The following AKR7A2 variants were observed in gnomAD, a reference collection of about 807,000 sequenced individuals.
AKR7A2 encodes aflatoxin B1 aldehyde reductase member 2.
AKR7A2 carries 29 observed loss-of-function variants against 37.3 expected under a neutral mutation model. That is an observed-to-expected ratio of 0.78 (90% CI 0.58 to 1.06). The LOEUF (loss-of-function observed/expected upper bound fraction) is 1.06. Ranked by LOEUF, AKR7A2 falls within the 50% of genes least tolerant of loss-of-function variation. The pLI is 0.00. For missense variants in AKR7A2, 529 were observed against 497.9 expected (o/e 1.06, Z -0.59); for synonymous variants, 228 against 217.8 (o/e 1.05, Z -0.41).
At position 19,311,829 on chromosome 1, in the gene AKR7A2, C is replaced by G; in HGVS notation, c.296G>C (p.Arg99Thr). The G allele has an allele frequency of 1.2e-6, 2 of 1,610,380 alleles. No homozygotes were observed. Among genetic ancestry groups the G allele is most frequent in the East Asian group, 2.2e-5 (1 of 44,860 alleles). Reference protein sequence around the residue: ...LGLGLGGGDCRVKIATKANPW... With the variant: ...LGLGLGGGDCTVKIATKANPW... ...GGAGGATCTGCAGCTACTGTTACCT[C>G]TGCAGTCGCCACCGCCCAGCCCGAG... is the stretch of plus-strand genomic sequence containing the variant. Residue 99 changes from arginine (R) to threonine (T), a missense_variant and splice_region_variant, in exon 1 of 7, where the codon AGA becomes ACA. Coordinates refer to ENST00000235835, the MANE Select transcript of AKR7A2 (RefSeq NM_003689.4).
Position 19,311,932 on chromosome 1 carries a change from C to A in AKR7A2, c.193G>T (p.Glu65Ter). 3 of 1,606,504 alleles carry A rather than the reference C, an allele frequency of 1.9e-6. No homozygotes were observed. Among genetic ancestry groups the A allele is most frequent in the Non-Finnish European group, 2.5e-6 (3 of 1,177,568 alleles). The change falls in exon 1 of 7, where the codon GAG (glutamate) becomes TAG (stop). Residue 65 changes from glutamate to a stop codon, truncating the protein, a stop_gained. Coordinates refer to ENST00000235835, the MANE Select transcript of AKR7A2 (RefSeq NM_003689.4). LOFTEE classifies it high-confidence loss of function. ...ASAAAVRAFL[E>*]RGHTELDTAF... ...GTGTCCAGTTCGGTGTGGCCGCGCT[C>A]CAGAAAGGCGCGCACGGCCGCGGCG...
Position 19,308,452 on chromosome 1 carries a change from C to T in AKR7A2, c.486+3G>A. 1 of 1,613,546 alleles carries T rather than the reference C, an allele frequency of 6.2e-7. No homozygotes were observed. The highest frequency in any genetic ancestry group is 8.5e-7 in the Non-Finnish European group (1 of 1,179,966). On this transcript the variant is annotated splice_donor_region_variant and intron_variant, in intron 2 of 6. Coordinates refer to ENST00000235835, the MANE Select transcript of AKR7A2 (RefSeq NM_003689.4). ...ACCTTTGGAGCTCGGAGGGCCCCCTCACCTCCTGGTGCAGCCGCTGGCAGG... is the reference window on the plus strand; with the variant it reads ...ACCTTTGGAGCTCGGAGGGCCCCCTTACCTCCTGGTGCAGCCGCTGGCAGG...
rs1230858434 is a variant in AKR7A2, at chr1:19,312,066, G to A, written c.59C>T (p.Ser20Phe). ...GAGCGCGCGGGCCTCGGGCGGCGGA[G>A]AGCGAAGCGCGCAGTGGACGGCGGC... Reference protein sequence around the residue: ...SRAAVHCALRSPPPEARALAM... With the variant: ...SRAAVHCALRFPPPEARALAM... Residue 20 changes from serine to phenylalanine, a missense_variant, in exon 1 of 7, where the codon TCT becomes TTT. Coordinates refer to ENST00000235835, the MANE Select transcript of AKR7A2 (RefSeq NM_003689.4). 7 of 1,359,720 alleles carry A rather than the reference G, an allele frequency of 5.1e-6. No homozygotes were observed. The highest frequency in any genetic ancestry group is 3.8e-5 in the Admixed American group (1 of 26,200). 84.2% of individuals were successfully genotyped at this position (1,359,720 alleles called of 1,614,324 possible).
chr1:19,306,338 G>A (rs1365911964), intron 5 of AKR7A2, among the ~76,000 whole-genome samples, 191 bp from the exon 6 acceptor site: 2 of 152,194 alleles, frequency 1.3e-5, no homozygotes, highest in African/African-American at 2.4e-5. Flanking sequence ...CCCCTCAGCA[G>A]AGACCTCAAT....
Position 19,307,082 on chromosome 1 carries a change from C to T in AKR7A2, c.708G>A (p.Lys236=). Reference sequence around the variant, plus strand: ...TCCCGTCCTTGTCCTCATACTTGTACTTGCCAGTCAGCAGGCCCCCTGCGG... The same window carrying T: ...TCCCGTCCTTGTCCTCATACTTGTATTTGCCAGTCAGCAGGCCCCCTGCGG... ...NPLAGGLLTG[K]YKYEDKDGKQ... The change falls in exon 5 of 7, where the codon AAG becomes AAA. Residue 236 remains lysine, a synonymous_variant. Coordinates refer to ENST00000235835, the MANE Select transcript of AKR7A2 (RefSeq NM_003689.4). The T allele has an allele frequency of 6.2e-7, 1 of 1,614,246 alleles. No individual in the cohort carries two copies. The highest frequency in any genetic ancestry group is 1.3e-5 in the African/African-American group (1 of 75,056).
chr1:19,312,005 C>T lies in AKR7A2; in HGVS notation c.120G>A (p.Ser40=). 1 of 1,479,036 alleles carries T rather than the reference C, an allele frequency of 6.8e-7. No homozygotes were observed. Among genetic ancestry groups the T allele is most frequent in the East Asian group, 2.8e-5 (1 of 35,302 alleles). The allele number at this position is 1,479,036 out of a possible 1,614,324, so 91.6% of individuals were successfully genotyped here. A position where few individuals can be genotyped will look rare whatever the true frequency, so the allele number is the denominator to read the frequency against. ...MSRPPPPRVA[S]VLGTMEMGRR... ...GCCCCATCTCCATGGTGCCCAGCAC[C>T]GAGGCGACCCGCGGTGGCGGTGGCC... The change falls in exon 1 of 7, where the codon TCG becomes TCA. Residue 40 remains serine (S), a synonymous_variant. Transcript: ENST00000235835.
intron 1 of AKR7A2, among the ~76,000 whole-genome samples, chr1:19,308,998 T>C (rs940900051): frequency 1.1e-4 from 16 of 152,066 alleles, no homozygotes; most frequent in Admixed American, 9.2e-4. Context: ...AGGCACACGA[T>C]GCCAAGGAGC....
intron 4 of AKR7A2, 85 bp from the exon 5 acceptor site, chr1:19,307,186 C>A: frequency 3.8e-6 from 6 of 1,592,924 alleles, no homozygotes; most frequent in Non-Finnish European, 5.2e-6. Flanking sequence ...AGGGGAGGGG[C>A]AGGGACCCAG....
At position 19,307,010 on chromosome 1, in the gene AKR7A2, G is replaced by A. The variant is rs1026086129; in HGVS notation, c.780C>T (p.Tyr260=). The A allele has an allele frequency of 1.2e-6, 2 of 1,614,002 alleles. No homozygotes were observed. The highest frequency in any genetic ancestry group is 1.7e-6 in the Non-Finnish European group (2 of 1,179,958). The part of the protein sequence containing the change: ...RFFGNSWAET[Y]RNRFWKEHHF... The stretch of plus-strand genomic sequence containing the variant: ...GCCCACCCCCGGCTCACCGATTCCT[G>A]TAGGTCTCAGCCCAGCTATTCCCAA... Residue 260 remains tyrosine, a synonymous_variant, in exon 5 of 7, where the codon TAC becomes TAT. Transcript: ENST00000235835.
rs755213636 is a variant in AKR7A2 at position 19,304,190 on chromosome 1, C to A, written c.*35G>T. 1 of 1,614,076 alleles carries A rather than the reference C, an allele frequency of 6.2e-7. No individual in the cohort carries two copies. The highest frequency in any genetic ancestry group is 1.3e-5 in the African/African-American group (1 of 74,932). On this transcript the variant is annotated 3_prime_UTR_variant, in exon 7 of 7. Transcript: ENST00000235835. The stretch of plus-strand genomic sequence containing the variant: ...CAGTGTGAGAGAACAAAAGAGGTGA[C>A]AGAAAAGCCTTGGGCAGCCTGAGCC...
At position 19,305,571 on chromosome 1, in the gene AKR7A2, A is replaced by T. The variant is rs115237801; in HGVS notation, c.918+447T>A. Among the ~76,000 whole-genome samples, 240 of 152,292 alleles carry T rather than the reference A, an allele frequency of 1.6e-3. 1 individual carries two copies. The highest frequency in any genetic ancestry group is 5.6e-3 in the African/African-American group (231 of 41,544). ...CCCAGGCTAGACTCAAATGCTTGAGATCAAGCAATCCTCCCATCTCGGCCT... is the reference window on the plus strand; with the variant it reads ...CCCAGGCTAGACTCAAATGCTTGAGTTCAAGCAATCCTCCCATCTCGGCCT... On this transcript the variant is annotated intron_variant, in intron 6 of 6. Transcript: ENST00000235835.
At chr1:19,311,761 T>TGGTGC in intron 1 of AKR7A2, 66 bp downstream of exon 1, 1 of 1,591,694 alleles carries the variant, frequency 6.3e-7, no homozygotes, top group Non-Finnish European at 8.6e-7. Flanking sequence ...CCGAGCGGGG[T>TGGTGC]GGTGCACGGC....
rs534074946 is a variant in AKR7A2 at position 19,307,912 on chromosome 1, T to C, written c.591+246A>G. On this transcript the variant is annotated intron_variant, in intron 3 of 6. Transcript: ENST00000235835. ...AGGGCAGGGGAAATGTGTTCCAGGC[T>C]GAAGTATGAAAGGAGGTGGGGAAGG... is the stretch of plus-strand genomic sequence containing the variant. 3.8e-5 allele frequency: 23 copies of C among 601,542 alleles called. No individual in the cohort carries two copies. In the South Asian group the frequency reaches 4.2e-4, roughly 11 times the overall value. 37.3% of individuals were successfully genotyped at this position (601,542 alleles called of 1,614,324 possible). A position where few individuals can be genotyped will look rare whatever the true frequency, so the allele number is the denominator to read the frequency against.
chr1:19,308,781 T>C (rs569455915), intron 1 of AKR7A2, 139 bp from the exon 2 acceptor site: 371 of 857,110 alleles, frequency 4.3e-4, no homozygotes, highest in Admixed American at 8.6e-4. Flanking sequence ...ACTGTCCTCA[T>C]TGGGAGGTCC....
chr1:19,306,128 A>G lies in AKR7A2; in HGVS notation c.808T>C (p.Phe270Leu). 2 of 1,614,232 alleles carry G rather than the reference A, an allele frequency of 1.2e-6. No individual in the cohort carries two copies. The highest frequency in any genetic ancestry group is 1.7e-6 in the Non-Finnish European group (2 of 1,180,026). ...YRNRFWKEHHFEAIALVEKAL... is the reference protein window; with the variant it reads ...YRNRFWKEHHLEAIALVEKAL... ...TTCTCCACCAACGCAATGGCCTCGA[A>G]GTGGTGCTCCTTCCAGAAGCTGTGC... is the stretch of plus-strand genomic sequence containing the variant. The change falls in exon 6 of 7, where the codon TTC becomes CTC. Residue 270 changes from phenylalanine to leucine, a missense_variant. Coordinates refer to ENST00000235835, the MANE Select transcript of AKR7A2 (RefSeq NM_003689.4).
intron 1 of AKR7A2, among the ~76,000 whole-genome samples, chr1:19,309,872 C>G (rs1005326698): frequency 6.6e-6 from 1 of 151,680 alleles, no homozygotes; most frequent in Non-Finnish European, 1.5e-5. Flanking sequence ...GTCAGGAGTT[C>G]GAGACCAGCC....
At chr1:19,303,959 A>T (rs2093756453), downstream of AKR7A2, 22 of 531,714 alleles carry the variant, frequency 4.1e-5, 1 homozygote, top group South Asian at 4.5e-4. Context: ...CAGCAGAGAA[A>T]GCAAGTTTTT....
downstream of AKR7A2, chr1:19,303,821 G>T: frequency 3.1e-6 from 1 of 322,160 alleles, no homozygotes; most frequent in Non-Finnish European, 6.1e-6. Context: ...TTCAGACCAG[G>T]GGCCCGAGGA....
chr1:19,307,481 A>C, intron 3 of AKR7A2, 71 bp from the exon 4 acceptor site: 1 of 1,521,798 alleles, frequency 6.6e-7, no homozygotes. Context: ...CCACTTTCAA[A>C]CCTCTAAAGC....
Sources: allele counts gnomAD v4.1 joint callset (sites outside exome capture counted in the v4.1 genomes callset), GRCh38; gene constraint gnomAD v4.1.1; transcripts MANE v1.5; gene names NCBI Gene and HGNC (gene_info 2026-07-23, HGNC 2026-07-21).